The following KLRG1 variants were observed in gnomAD, a reference collection of about 807,000 sequenced individuals.
The protein encoded by KLRG1 is killer cell lectin like receptor G1.
A neutral mutation model predicts 21.8 loss-of-function variants in KLRG1; 16 were observed. That is an observed-to-expected ratio of 0.73 (90% CI 0.50 to 1.11). KLRG1 has a LOEUF of 1.11. Ranked by LOEUF, KLRG1 falls within the 50% of genes most tolerant of loss-of-function variation. The probability of loss-of-function intolerance (pLI) is 0.00; values close to 1 mark genes in which losing one functional copy is unlikely to be tolerated. For synonymous variants in KLRG1, 69 were observed against 75.9 expected (o/e 0.91, Z 0.47); for missense variants, 173 against 218.3 (o/e 0.79, Z 1.31).
chr12:8,965,632 G>T (rs1269731016), intron 1 of KLRG1, among the ~76,000 whole-genome samples: 2 of 152,078 alleles, frequency 1.3e-5, no homozygotes, highest in Non-Finnish European at 1.5e-5. Flanking sequence ...ACTTACAAGG[G>T]ATGTGAAGGA....
chr12:9,201,032 C>T, the KLRG1 span: 1 of 1,614,058 alleles, frequency 6.2e-7, no homozygotes. Context: ...GAGACTCTGC[C>T]ATTGTGCAAT....
the KLRG1 span, among the ~76,000 whole-genome samples, chr12:9,185,391 T>C: frequency 0.011 from 1,745 of 152,124 alleles, 29 homozygotes; most frequent in African/African-American, 0.04. Flanking sequence ...GAAAGAAGAA[T>C]GAAAAGGAAT....
chr12:9,130,820 T>A, the KLRG1 span, among the ~76,000 whole-genome samples: 1 of 152,130 alleles, frequency 6.6e-6, no homozygotes. Flanking sequence ...CCATTTATCT[T>A]TTTTTGCTTT....
chr12:9,069,909 G>A, the KLRG1 span: 1 of 1,010,922 alleles, frequency 9.9e-7, no homozygotes, highest in Non-Finnish European at 1.5e-6. Flanking sequence ...TAACCCTGAG[G>A]GTAGAATTCT....
chr12:9,158,752 CTTTTCTTTTTTTT>C, the KLRG1 span, among the ~76,000 whole-genome samples: 2 of 97,818 alleles, frequency 2.0e-5, no homozygotes, highest in African/African-American at 7.7e-5. Context: ...TTTTTCTTTT[CTTTTCTTTTTTTT>C]TTTTTTTTTG....
the KLRG1 span, chr12:9,029,000 CA>C: frequency 1.6e-6 from 1 of 608,960 alleles, no homozygotes; most frequent in Non-Finnish European, 3.1e-6. Context: ...AATGGCTCTT[CA>C]GGCTCTCATT....
At chr12:9,117,012 T>TA in the KLRG1 span, among the ~76,000 whole-genome samples, 1 of 152,130 alleles carries the variant, frequency 6.6e-6, no homozygotes, top group Non-Finnish European at 1.5e-5. Flanking sequence ...TGGAACCTTT[T>TA]AAAAAAATTT....
upstream of KLRG1, among the ~76,000 whole-genome samples, chr12:8,986,470 G>GT (rs1215057283): frequency 6.6e-6 from 1 of 151,870 alleles, no homozygotes. Flanking sequence ...GATTTATATA[G>GT]TTTTTCCCCT....
At chr12:9,025,391 C>T in the KLRG1 span, among the ~76,000 whole-genome samples, 1 of 152,126 alleles carries the variant, frequency 6.6e-6, no homozygotes, top group South Asian at 2.1e-4. Context: ...AATCTCAGCA[C>T]TTTGGGAGGC....
the KLRG1 span, among the ~76,000 whole-genome samples, chr12:9,198,654 C>T: frequency 6.6e-6 from 1 of 152,086 alleles, no homozygotes; most frequent in Admixed American, 6.6e-5. Flanking sequence ...TATATTAGTC[C>T]TTTCTCTGAT....
At chr12:9,112,890 G>A in the KLRG1 span, among the ~76,000 whole-genome samples, 34 of 152,106 alleles carry the variant, frequency 2.2e-4, no homozygotes, top group Admixed American at 2.1e-3. Flanking sequence ...AAAAAACCCC[G>A]TATTTTACTG....
the KLRG1 span, among the ~76,000 whole-genome samples, chr12:9,178,481 A>T: frequency 6.6e-6 from 1 of 152,190 alleles, no homozygotes; most frequent in Non-Finnish European, 1.5e-5. Context: ...AGAAGCCGTA[A>T]AGTGCTTCCT....
At chr12:9,076,335 T>G in the KLRG1 span, among the ~76,000 whole-genome samples, 1 of 152,240 alleles carries the variant, frequency 6.6e-6, no homozygotes, top group African/African-American at 2.4e-5. Flanking sequence ...GTAAATACTA[T>G]TATTATCCCC....
chr12:9,180,945 A>T, the KLRG1 span: 1 of 1,587,854 alleles, frequency 6.3e-7, no homozygotes, highest in Non-Finnish European at 8.5e-7. Context: ...AGCCTCTGGA[A>T]TGGCCCTTCC....
the KLRG1 span, among the ~76,000 whole-genome samples, chr12:9,119,184 A>G: frequency 3.3e-5 from 5 of 152,368 alleles, no homozygotes; most frequent in South Asian, 6.2e-4. Flanking sequence ...AAATGATGGT[A>G]TAATTTTATA....
the KLRG1 span, chr12:9,152,856 G>A: frequency 6.2e-7 from 1 of 1,614,058 alleles, no homozygotes; most frequent in Non-Finnish European, 8.5e-7. Context: ...AGCTGGTGTG[G>A]GCTTTGTGTC....
chr12:9,067,885 A>T, the KLRG1 span: 1 of 1,577,022 alleles, frequency 6.3e-7, no homozygotes, highest in Admixed American at 1.7e-5. Flanking sequence ...TTGGGTCTCC[A>T]TGAGCAGAGA....
the KLRG1 span, among the ~76,000 whole-genome samples, chr12:9,141,530 C>G: frequency 3.3e-5 from 5 of 152,172 alleles, no homozygotes; most frequent in African/African-American, 1.2e-4. Context: ...TACAGAAAAA[C>G]TGGATGATAC....
At chr12:8,955,375 ATTTTTTTTTTTTT>A (rs61263683) in intron 1 of KLRG1, among the ~76,000 whole-genome samples, 19 of 71,330 alleles carry the variant, frequency 2.7e-4, no homozygotes, top group South Asian at 1.7e-3. Context: ...TATTGCTCTG[ATTTTTTTTTTTTT>A]TTTTTTTTTT....
Sources: allele counts gnomAD v4.1 joint callset (sites outside exome capture counted in the v4.1 genomes callset), GRCh38; gene constraint gnomAD v4.1.1; transcripts MANE v1.5; gene names NCBI Gene and HGNC (gene_info 2026-07-23, HGNC 2026-07-21).